Variants in IL7 observed in about 807,000 individuals in gnomAD.
The protein encoded by IL7 is interleukin 7.
IL7 carries 3 observed loss-of-function variants against 21.6 expected under a neutral mutation model. The observed-to-expected ratio is 0.14, with a 90% CI of 0.06 to 0.36. The LOEUF (loss-of-function observed/expected upper bound fraction) is 0.36. Among genes scored for constraint, IL7 ranks in the 10% least tolerant of loss-of-function variants. The pLI is 1.00. For synonymous variants in IL7, 62 were observed against 68.1 expected, an observed-to-expected ratio of 0.91 and a Z score of 0.44; for missense variants, 175 against 200.2, an observed-to-expected ratio of 0.87 and a Z score of 0.76.
chr8:78,692,395 T>A (rs1810240068), intron 3 of IL7, among the ~76,000 whole-genome samples: 1 of 152,240 alleles, frequency 6.6e-6, no homozygotes, highest in Non-Finnish European at 1.5e-5. Flanking sequence ...ATCTGCCACC[T>A]GTGGTCATTT....
downstream of IL7, among the ~76,000 whole-genome samples, chr8:78,730,168 C>T (rs1403166767): frequency 1.3e-5 from 2 of 151,808 alleles, no homozygotes. Flanking sequence ...ATGACCTCTC[C>T]CCCATTTAGA....
At chr8:78,687,812 TA>T (rs1164622175) in intron 3 of IL7, among the ~76,000 whole-genome samples, 5 of 132,716 alleles carry the variant, frequency 3.8e-5, no homozygotes, top group Non-Finnish European at 6.2e-5. Flanking sequence ...ATTCATGTAA[TA>T]AATATATATA....
At chr8:78,761,706 T>G in intron 2 of IL7, 1 of 1,611,908 alleles carries the variant, frequency 6.2e-7, no homozygotes, top group South Asian at 1.1e-5. Context: ...CTCTCACAGA[T>G]CTCTAGCATC....
chr8:78,714,033 A>G (rs563235836), downstream of IL7, among the ~76,000 whole-genome samples: 4 of 152,308 alleles, frequency 2.6e-5, no homozygotes, highest in African/African-American at 7.2e-5. Context: ...AAGTAGAGTA[A>G]GAAAAATTTC....
chr8:78,756,526 A>T (rs1454838709), intron 2 of IL7, among the ~76,000 whole-genome samples: 1 of 151,466 alleles, frequency 6.6e-6, no homozygotes, highest in Non-Finnish European at 1.5e-5. Context: ...TTTCCTATTT[A>T]TTTCTGGTTC....
At chr8:78,804,819 C>T (rs565473443) in intron 1 of IL7, 94 bp downstream of exon 1, 1 of 1,456,422 alleles carries the variant, frequency 6.9e-7, no homozygotes, top group Non-Finnish European at 9.5e-7. Flanking sequence ...GGGCTATTCC[C>T]GGACTTGCCT....
intron 2 of IL7, among the ~76,000 whole-genome samples, chr8:78,778,127 G>C (rs187445586): frequency 6.6e-6 from 1 of 152,158 alleles, no homozygotes; most frequent in Admixed American, 6.6e-5. Flanking sequence ...TAAGAGTCTA[G>C]CTCTCTTTCA....
At chr8:78,794,597 G>T (rs1813795247) in intron 2 of IL7, among the ~76,000 whole-genome samples, 1 of 152,042 alleles carries the variant, frequency 6.6e-6, no homozygotes, top group African/African-American at 2.4e-5. Context: ...CTGTTGTTTA[G>T]TGTAGCCACT....
At chr8:78,714,283 A>G (rs1373721442), downstream of IL7, among the ~76,000 whole-genome samples, 1 of 152,136 alleles carries the variant, frequency 6.6e-6, no homozygotes, top group Non-Finnish European at 1.5e-5. Flanking sequence ...TATGAACGCT[A>G]CCTATTTCAT....
chr8:78,725,307 C>T (rs572880678), intron 3 of IL7, among the ~76,000 whole-genome samples: 89 of 151,836 alleles, frequency 5.9e-4, no homozygotes, highest in Middle Eastern at 3.4e-3. Flanking sequence ...AGAAGTGACA[C>T]CCTTATTGCA....
At chr8:78,759,044 T>C (rs2130756049) in intron 2 of IL7, among the ~76,000 whole-genome samples, 1 of 147,570 alleles carries the variant, frequency 6.8e-6, no homozygotes, top group South Asian at 2.1e-4. Context: ...TTCATTCTCT[T>C]TTATTCTTTT....
chr8:78,704,457 G>C (rs1242099314), intron 3 of IL7, among the ~76,000 whole-genome samples: 1 of 151,168 alleles, frequency 6.6e-6, no homozygotes, highest in Non-Finnish European at 1.5e-5. Flanking sequence ...GGTTTCCACT[G>C]AGAGGTCTGC....
chr8:78,733,582 C>T lies in IL7; in HGVS notation c.*131G>A. ...AATACAATATGCATTTCTCAAATGC[C>T]CTAATCCGTTTTGACCATGGTGCAT... On this transcript the variant is annotated 3_prime_UTR_variant, in exon 6 of 6. Coordinates refer to ENST00000263851, the MANE Select transcript of IL7 (RefSeq NM_000880.4). The T allele has an allele frequency of 3.4e-6, 3 of 881,358 alleles. No homozygotes were observed. The highest frequency in any genetic ancestry group is 1.6e-5 in the South Asian group (1 of 61,352). 54.6% of individuals were successfully genotyped at this position (881,358 alleles called of 1,614,324 possible). A position where few individuals can be genotyped will look rare whatever the true frequency, so the allele number is the denominator to read the frequency against.
intron 3 of IL7, among the ~76,000 whole-genome samples, chr8:78,686,235 G>A (rs1809966138): frequency 6.6e-6 from 1 of 152,208 alleles, no homozygotes; most frequent in African/African-American, 2.4e-5. Context: ...CCTACAGAAG[G>A]CAGTTTAGTA....
chr8:78,771,575 G>A (rs1044813425), intron 2 of IL7, among the ~76,000 whole-genome samples: 1 of 152,050 alleles, frequency 6.6e-6, no homozygotes, highest in Non-Finnish European at 1.5e-5. Context: ...TCAAAAAATT[G>A]CAAAGAAATT....
intron 2 of IL7, chr8:78,760,828 T>G (rs1812527845): frequency 6.4e-7 from 1 of 1,550,762 alleles, no homozygotes; most frequent in African/African-American, 1.4e-5. Context: ...CAAACCAAAA[T>G]TCATTATAAA....
At chr8:78,783,023 A>G (rs1813391814) in intron 2 of IL7, among the ~76,000 whole-genome samples, 1 of 144,922 alleles carries the variant, frequency 6.9e-6, no homozygotes. Flanking sequence ...GAACCACCCA[A>G]TATCTCTGGC....
At chr8:78,787,411 A>T (rs762223254) in intron 2 of IL7, among the ~76,000 whole-genome samples, 11 of 152,146 alleles carry the variant, frequency 7.2e-5, no homozygotes, top group Non-Finnish European at 1.6e-4. Flanking sequence ...TGAGGAAAAA[A>T]ACTCTCACAC....
chr8:78,801,068 T>C lies in IL7; in HGVS notation c.11-2860A>G, dbSNP rs1314963767. Among the ~76,000 whole-genome samples, 6 of 152,220 alleles carry C rather than the reference T, an allele frequency of 3.9e-5. No homozygotes were observed. The South Asian group carries it at 1.0e-3, about 26-fold the overall frequency. ...GTTGCTGGAAAATTCAGTCTTTTTG[T>C]ATATTACACGTACTTTCTCAATTTT... On this transcript the variant is annotated intron_variant, in intron 1 of 5. Coordinates refer to ENST00000263851, the MANE Select transcript of IL7 (RefSeq NM_000880.4).
Sources: gnomAD v4.1 joint callset for allele counts (sites outside exome capture counted in the v4.1 genomes callset) on GRCh38, gnomAD v4.1.1 for gene constraint, MANE v1.5 for transcripts, NCBI Gene and HGNC (gene_info 2026-07-23, HGNC 2026-07-21) for gene names.